Variants in NPTX1 observed in about 807,000 individuals in gnomAD.
The protein encoded by NPTX1 is neuronal pentraxin 1.
A neutral mutation model predicts 38.7 loss-of-function variants in NPTX1; 12 were observed. That is an observed-to-expected ratio of 0.31 (90% CI 0.20 to 0.50). NPTX1 has a LOEUF of 0.50. Among genes scored for constraint, NPTX1 ranks in the 20% least tolerant of loss-of-function variants. NPTX1 has a pLI of 0.98. For missense variants in NPTX1, 454 were observed against 592.2 expected (o/e 0.77, Z 2.42); for synonymous variants, 272 against 264.9 (o/e 1.03, Z -0.26).
Position 80,475,734 on chromosome 17 carries a change from G to C in NPTX1, c.445-16C>G. ...GGCTGTACTGCTGCGGGGTGCAAGG[G>C]CGGGGGAAACCACACCGTTAGGCGA... On this transcript the variant is annotated splice_polypyrimidine_tract_variant and intron_variant, in intron 1 of 4. Coordinates refer to ENST00000306773, the MANE Select transcript of NPTX1 (RefSeq NM_002522.4). The surrounding 1 kb of genome is among the most constrained non-coding windows in gnomAD (Gnocchi z 6.5). The C allele has an allele frequency of 3.1e-6, 5 of 1,590,500 alleles. No individual in the cohort carries two copies. Among genetic ancestry groups the C allele is most frequent in the Non-Finnish European group, 4.3e-6 (5 of 1,164,418 alleles).
rs776629293 is a variant in NPTX1 at position 80,470,902 on chromosome 17, C to T, written c.1210G>A (p.Gly404Ser). The change falls in exon 5 of 5, where the codon GGC (glycine) becomes AGC (serine). Residue 404 changes from glycine (G) to serine (S), a missense_variant. Physicochemically the swap from Gly to Ser is moderately conservative, Grantham distance 56 (BLOSUM62 0). Around this residue, in one of 4 missense-constraint regions of NPTX1, gnomAD observed 50 missense variants for 54.0 expected, o/e 0.93. Transcript: ENST00000306773. ...GATTCAGCCCAGGCGATGACATTGC[C>T]GGACAGAGCCTTGGTGCTGCAGGTG... ...LATCSTKALSGNVIAWAESHI... is the reference protein window; with the variant it reads ...LATCSTKALSSNVIAWAESHI... 6 of 1,613,378 alleles carry T rather than the reference C, an allele frequency of 3.7e-6. No individual in the cohort carries two copies. Among genetic ancestry groups the T allele is most frequent in the African/African-American group, 1.3e-5 (1 of 74,916 alleles).
chr17:80,476,225 G>T lies in NPTX1; in HGVS notation c.222C>A (p.Ser74Arg). 6.4e-7 allele frequency: 1 copy of T among 1,573,094 alleles called. No individual in the cohort carries two copies. The highest frequency in any genetic ancestry group is 8.6e-7 in the Non-Finnish European group (1 of 1,166,638). Residue 74 changes from serine to arginine, a missense_variant, in exon 1 of 5, where the codon AGC (serine) becomes AGA (arginine). Ser to Arg is a moderately radical substitution (Grantham distance 110). This residue lies in a region of NPTX1 where 288 missense variants were observed against 318.4 expected (regional missense o/e 0.90). Coordinates refer to ENST00000306773, the MANE Select transcript of NPTX1 (RefSeq NM_002522.4). The surrounding 1 kb of genome is among the most constrained non-coding windows in gnomAD (Gnocchi z 6.3). ...TVLQQKETIL[S>R]QKETIRELTA... ...TCAGCTCGCGGATGGTCTCCTTCTG[G>T]CTCAGGATGGTCTCCTTCTGCTGCA...
Position 80,475,813 on chromosome 17 carries a change from G to A in NPTX1, c.445-95C>T. 9.5e-7 allele frequency: 1 copy of A among 1,053,258 alleles called. No homozygotes were observed. The highest frequency in any genetic ancestry group is 1.6e-5 in the South Asian group (1 of 62,124). 65.2% of individuals were successfully genotyped at this position (1,053,258 alleles called of 1,614,324 possible). ...GGCGCGGTCCCCTCTGGGCGACTGC[G>A]GGGGCGGCCTGGCAGGGAGCTGGGG... is the stretch of plus-strand genomic sequence containing the variant. On this transcript the variant is annotated intron_variant, in intron 1 of 4. Coordinates refer to ENST00000306773, the MANE Select transcript of NPTX1 (RefSeq NM_002522.4). The surrounding 1 kb of genome is among the most constrained non-coding windows in gnomAD (Gnocchi z 6.5).
chr17:80,470,819 G>C lies in NPTX1; in HGVS notation c.1293C>G (p.Ile431Met). Reference protein sequence around the residue: ...TKWTFEACRQIN With the variant: ...TKWTFEACRQMN ...TCAGCCTGGCCTGCCGTGCTCAGTT[G>C]ATCTGGCGACAGGCCTCGAAGGTCC... The change falls in exon 5 of 5, where the codon ATC becomes ATG. Residue 431 changes from isoleucine (I) to methionine (M), a missense_variant. Ile to Met is a conservative substitution (Grantham distance 10). Around this residue, in one of 4 missense-constraint regions of NPTX1, gnomAD observed 50 missense variants for 54.0 expected, o/e 0.93. Transcript: ENST00000306773. 1 of 1,588,462 alleles carries C rather than the reference G, an allele frequency of 6.3e-7. No homozygotes were observed. Among genetic ancestry groups the C allele is most frequent in the South Asian group, 1.1e-5 (1 of 89,602 alleles).
rs2083827410 is a variant in NPTX1 at position 80,469,620 on chromosome 17, A to G, written c.*1193T>C. 1 of 152,188 alleles carries G rather than the reference A, an allele frequency of 6.6e-6. No individual in the cohort carries two copies. The highest frequency in any genetic ancestry group is 1.5e-5 in the Non-Finnish European group (1 of 68,050). The allele number at this position is 152,188 out of a possible 1,614,324, so 9.4% of individuals were successfully genotyped here. On this transcript the variant is annotated 3_prime_UTR_variant, in exon 5 of 5. Transcript: ENST00000306773. ...CCCTGCCCTGGCCAGGCCTGGCTCCACACGTGAGGTCTCTGGAGTACCCCT... is the reference window on the plus strand; with the variant it reads ...CCCTGCCCTGGCCAGGCCTGGCTCCGCACGTGAGGTCTCTGGAGTACCCCT...
rs1219100707 is a variant in NPTX1, at chr17:80,468,977, G to A, written c.*1836C>T. Reference sequence around the variant, plus strand: ...GTTGAACAACAACGCGCAGCACGGCGCCTGATCTGCACCCCCCTCTGCGGG... The same window carrying A: ...GTTGAACAACAACGCGCAGCACGGCACCTGATCTGCACCCCCCTCTGCGGG... On this transcript the variant is annotated 3_prime_UTR_variant, in exon 5 of 5. Coordinates refer to ENST00000306773, the MANE Select transcript of NPTX1 (RefSeq NM_002522.4). 2 of 152,252 alleles carry A rather than the reference G, an allele frequency of 1.3e-5. No homozygotes were observed. The highest frequency in any genetic ancestry group is 2.4e-5 in the African/African-American group (1 of 41,444). The allele number at this position is 152,252 out of a possible 1,614,324, so 9.4% of individuals were successfully genotyped here.
At chr17:80,472,364 C>T (rs1349586866) in intron 3 of NPTX1, among the ~76,000 whole-genome samples, 2 of 152,242 alleles carry the variant, frequency 1.3e-5, no homozygotes, top group Admixed American at 6.5e-5. Context: ...CTCTACAACA[C>T]GGCAAGCTTT....
Position 80,475,540 on chromosome 17 carries a change from A to C in NPTX1, c.623T>G (p.Leu208Arg), listed in dbSNP as rs1329989145. Residue 208 changes from leucine to arginine, a missense_variant, in exon 2 of 5, where the codon CTG becomes CGG. By Grantham distance (102) the Leu-to-Arg change is moderately radical. Transcript: ENST00000306773. The surrounding 1 kb of genome is among the most constrained non-coding windows in gnomAD (Gnocchi z 6.5). ...CTCGAGCTCGCTGATCCGCTGGTGCAGGGAGGTCAGGGCGGTCTCGATCTT... is the reference window on the plus strand; with the variant it reads ...CTCGAGCTCGCTGATCCGCTGGTGCCGGGAGGTCAGGGCGGTCTCGATCTT... ...RVKIETALTS[L>R]HQRISELEKG... The C allele has an allele frequency of 6.2e-7, 1 of 1,612,600 alleles. No individual in the cohort carries two copies. The highest frequency in any genetic ancestry group is 8.5e-7 in the Non-Finnish European group (1 of 1,179,856).
rs558683592 is a variant in NPTX1, at chr17:80,467,989, C to T, written c.*2824G>A. Reference sequence around the variant, plus strand: ...CCCAGGGAGCTGTCGGACACCAGCTCGGCAAAAGCAAACACTGCCTCAACA... The same window carrying T: ...CCCAGGGAGCTGTCGGACACCAGCTTGGCAAAAGCAAACACTGCCTCAACA... On this transcript the variant is annotated 3_prime_UTR_variant, in exon 5 of 5. Coordinates refer to ENST00000306773, the MANE Select transcript of NPTX1 (RefSeq NM_002522.4). The T allele has an allele frequency of 1.3e-5, 2 of 152,736 alleles. No individual in the cohort carries two copies. The highest frequency in any genetic ancestry group is 3.9e-4 in the East Asian group (2 of 5,184). The allele number at this position is 152,736 out of a possible 1,614,324, so 9.5% of individuals were successfully genotyped here.
chr17:80,475,429 C>G lies in NPTX1; in HGVS notation c.652+82G>C. 2.0e-6 allele frequency: 2 copies of G among 1,018,908 alleles called. No individual in the cohort carries two copies. Among genetic ancestry groups the G allele is most frequent in the Admixed American group, 4.8e-5 (2 of 41,554 alleles). 63.1% of individuals were successfully genotyped at this position (1,018,908 alleles called of 1,614,324 possible). On this transcript the variant is annotated intron_variant, in intron 2 of 4. Coordinates refer to ENST00000306773, the MANE Select transcript of NPTX1 (RefSeq NM_002522.4). This position sits in a 1 kb window ranked among gnomAD's most constrained non-coding sequence, Gnocchi z 6.5. Reference sequence around the variant, plus strand: ...GGCTTGAGGCTTGCACAGTGCAGAGCTGGGCTGTTAGGGATCGGGACCGAG... The same window carrying G: ...GGCTTGAGGCTTGCACAGTGCAGAGGTGGGCTGTTAGGGATCGGGACCGAG...
At chr17:80,472,678 T>C (rs1377678920) in intron 3 of NPTX1, among the ~76,000 whole-genome samples, 1 of 152,148 alleles carries the variant, frequency 6.6e-6, no homozygotes, top group Non-Finnish European at 1.5e-5. Context: ...GCTAGTTCCA[T>C]AGCTAACAGG....
At chr17:80,472,724 C>G (rs1007783685) in intron 3 of NPTX1, among the ~76,000 whole-genome samples, 2 of 152,218 alleles carry the variant, frequency 1.3e-5, no homozygotes, top group Non-Finnish European at 2.9e-5. Context: ...GGAAAGGCTG[C>G]CTGTGCTGTC....
Position 80,473,247 on chromosome 17 carries a change from G to T in NPTX1, c.850C>A (p.Leu284Ile). Residue 284 changes from leucine (L) to isoleucine (I), a missense_variant, in exon 3 of 5, where the codon CTC becomes ATC. Transcript: ENST00000306773. ...ATGGGGTTGTTGCCCCACTCAATGAGGACCAGCTCGTTGGCCTGGCCGGGC... is the reference window on the plus strand; with the variant it reads ...ATGGGGTTGTTGCCCCACTCAATGATGACCAGCTCGTTGGCCTGGCCGGGC... The part of the protein sequence containing the change: ...AVPGQANELV[L>I]IEWGNNPMEI... The T allele has an allele frequency of 6.2e-7, 1 of 1,613,800 alleles. No homozygotes were observed. Among genetic ancestry groups the T allele is most frequent in the Non-Finnish European group, 8.5e-7 (1 of 1,180,034 alleles).
chr17:80,471,772 G>A lies in NPTX1; in HGVS notation c.1037C>T (p.Pro346Leu). ...CACCAGCACGCCCTGGGGCTTGATG[G>A]GGTGATAGGGCGCCAAGTTCTCGCC... ...GSGENLAPYH[P>L]IKPQGVLVLG... The change falls in exon 4 of 5, where the codon CCC (proline) becomes CTC (leucine). Residue 346 changes from proline to leucine, a missense_variant. Pro to Leu is a moderately conservative substitution (Grantham distance 98). Transcript: ENST00000306773. The A allele has an allele frequency of 6.2e-7, 1 of 1,613,132 alleles. No homozygotes were observed. Among genetic ancestry groups the A allele is most frequent in the Non-Finnish European group, 8.5e-7 (1 of 1,179,998 alleles).
Position 80,475,360 on chromosome 17 carries a change from T to G in NPTX1, c.652+151A>C. On this transcript the variant is annotated intron_variant, in intron 2 of 4. Transcript: ENST00000306773. The surrounding 1 kb of genome is among the most constrained non-coding windows in gnomAD (Gnocchi z 6.5). ...TAGAAGCCCAGAACCTGGGAAGGGGTGCGGGGAATGAGAAAGCGGTGCAGG... is the reference window on the plus strand; with the variant it reads ...TAGAAGCCCAGAACCTGGGAAGGGGGGCGGGGAATGAGAAAGCGGTGCAGG... 1.6e-6 allele frequency: 1 copy of G among 612,080 alleles called. No homozygotes were observed. Among genetic ancestry groups the G allele is most frequent in the Non-Finnish European group, 2.8e-6 (1 of 356,926 alleles). 37.9% of individuals were successfully genotyped at this position (612,080 alleles called of 1,614,324 possible).
rs11652966 is a variant in NPTX1 at position 80,467,067 on chromosome 17, G to A, written c.*3746C>T. On this transcript the variant is annotated 3_prime_UTR_variant, in exon 5 of 5. Transcript: ENST00000306773. The stretch of plus-strand genomic sequence containing the variant: ...AAATAATGAAAAAGTGAGATACATC[G>A]ATTCTCTTTCATATTATACAGTATA... 16,171 of 147,836 alleles carry A rather than the reference G, an allele frequency of 0.11. 1,014 individuals carry two copies. The highest frequency in any genetic ancestry group is 0.18 in the Middle Eastern group (49 of 266). 9.2% of individuals were successfully genotyped at this position (147,836 alleles called of 1,614,324 possible).
Position 80,476,494 on chromosome 17 carries a change from T to TCGGCTCCGGCTGGGACC in NPTX1, c.-65_-49dup, listed in dbSNP as rs2083884237. ...GGGCCCGGCTCGGCTCGGCTGGGGC[T>TCGGCTCCGGCTGGGACC]CGGCTCCGGCTGGGACCCGGCTCGG... is the stretch of plus-strand genomic sequence containing the variant. On this transcript the variant is annotated 5_prime_UTR_variant, in exon 1 of 5. Coordinates refer to ENST00000306773, the MANE Select transcript of NPTX1 (RefSeq NM_002522.4). This position sits in a 1 kb window ranked among gnomAD's most constrained non-coding sequence, Gnocchi z 6.3. The TCGGCTCCGGCTGGGACC allele has an allele frequency of 9.2e-6, 10 of 1,088,314 alleles. No individual in the cohort carries two copies. The highest frequency in any genetic ancestry group is 4.9e-5 in the East Asian group (1 of 20,518). 67.4% of individuals were successfully genotyped at this position (1,088,314 alleles called of 1,614,324 possible). A position where few individuals can be genotyped will look rare whatever the true frequency, so the allele number is the denominator to read the frequency against.
At position 80,471,887 on chromosome 17, in the gene NPTX1, T is replaced by C; in HGVS notation, c.922A>G (p.Asn308Asp). 1 of 1,613,294 alleles carries C rather than the reference T, an allele frequency of 6.2e-7. No individual in the cohort carries two copies. Among genetic ancestry groups the C allele is most frequent in the Non-Finnish European group, 8.5e-7 (1 of 1,179,810 alleles). ...DKVAKLPFVI[N>D]DGKWHHICVT... ...CAGATGTGGTGCCACTTGCCATCATTGATGACAAAAGGCAACTTGGCCACC... is the reference window on the plus strand; with the variant it reads ...CAGATGTGGTGCCACTTGCCATCATCGATGACAAAAGGCAACTTGGCCACC... The change falls in exon 4 of 5, where the codon AAT (asparagine) becomes GAT (aspartate). Residue 308 changes from asparagine (N) to aspartate (D), a missense_variant. Around this residue, in one of 4 missense-constraint regions of NPTX1, gnomAD observed 110 missense variants for 197.5 expected, o/e 0.56. Transcript: ENST00000306773.
chr17:80,473,610 A>G (rs2083855437), intron 2 of NPTX1, 166 bp from the exon 3 acceptor site: 2 of 671,256 alleles, frequency 3.0e-6, no homozygotes, highest in Non-Finnish European at 5.2e-6. Context: ...CTTTGCCCCA[A>G]GGCACAGGGC....
Sources: gnomAD v4.1 joint callset for allele counts (sites outside exome capture counted in the v4.1 genomes callset) on GRCh38, gnomAD v4.1.1 for gene constraint, gnomAD v4.1.1 regional missense constraint, Gnocchi (gnomAD v3.1) non-coding constraint, MANE v1.5 for transcripts, NCBI Gene and HGNC (gene_info 2026-07-23, HGNC 2026-07-21) for gene names.